NTN1: variants seen among roughly 807,000 people sequenced by gnomAD.
NTN1 encodes netrin-1.
A neutral mutation model predicts 54.2 loss-of-function variants in NTN1; 11 were observed. The observed-to-expected ratio is 0.20, with a 90% confidence interval of 0.13 to 0.34. NTN1 has a LOEUF of 0.34. NTN1 is among the 10% of genes least tolerant of loss of function. The pLI, the probability that NTN1 is intolerant of heterozygous loss-of-function variation, is 1.00. For missense variants in NTN1, 740 were observed against 893.1 expected, an observed-to-expected ratio of 0.83 and a Z score of 2.18; for synonymous variants, 371 against 382.0, an observed-to-expected ratio of 0.97 and a Z score of 0.33.
Position 9,179,933 on chromosome 17 carries a change from G to T in NTN1, c.1334G>T (p.Arg445Leu). ...NRCAKGYQQS[R>L]SPIAPCIKIP... ...TGCGCCAAAGGCTACCAGCAGAGCC[G>T]CTCTCCCATCGCCCCCTGCATAAGT... The change falls in exon 4 of 7, where the codon CGC (arginine) becomes CTC (leucine). Residue 445 changes from arginine (R) to leucine (L), a missense_variant. Arg to Leu is a moderately radical substitution (Grantham distance 102, BLOSUM62 -2). Coordinates refer to ENST00000173229, the MANE Select transcript of NTN1 (RefSeq NM_004822.3). The T allele has an allele frequency of 6.2e-7, 1 of 1,613,630 alleles. No individual in the cohort carries two copies. The highest frequency in any genetic ancestry group is 1.1e-5 in the South Asian group (1 of 90,976).
rs1415329398 is a variant in NTN1, at chr17:9,211,088, ATTC to A, written c.1412-10075_1412-10073del. Among the ~76,000 whole-genome samples the A allele has an allele frequency of 6.6e-6, 1 of 152,164 alleles. No individual in the cohort carries two copies. The highest frequency in any genetic ancestry group is 2.4e-5 in the African/African-American group (1 of 41,424). On this transcript the variant is annotated intron_variant, in intron 5 of 6. Transcript: ENST00000173229. This position sits in a 1 kb window ranked among gnomAD's most constrained non-coding sequence, Gnocchi z 4.4. ...CCACCCAACATTTCTGGCACATGCT[ATTC>A]TTCTAGAATAAAATCCAAACCCCTG...
upstream of NTN1, among the ~76,000 whole-genome samples, chr17:9,020,032 C>T (rs918653106): frequency 1.3e-5 from 2 of 152,208 alleles, no homozygotes; most frequent in African/African-American, 2.4e-5. Flanking sequence ...CTGTGGTGAG[C>T]TCCCATCCCT....
intron 2 of NTN1, among the ~76,000 whole-genome samples, chr17:9,050,854 C>T (rs1189197203): frequency 6.6e-6 from 1 of 152,056 alleles, no homozygotes; most frequent in Non-Finnish European, 1.5e-5. Context: ...CCTGCCTTAC[C>T]AGGTGCTCAG....
At chr17:9,231,577 G>A (rs1050459291) in intron 6 of NTN1, among the ~76,000 whole-genome samples, 6 of 152,260 alleles carry the variant, frequency 3.9e-5, no homozygotes, top group Non-Finnish European at 7.3e-5. Flanking sequence ...TGCCCTGGGA[G>A]CGCCCTGGAA....
At chr17:9,053,717 C>T (rs2091968329) in intron 2 of NTN1, among the ~76,000 whole-genome samples, 1 of 152,218 alleles carries the variant, frequency 6.6e-6, no homozygotes, top group Admixed American at 6.5e-5. Context: ...AGACAGCCAC[C>T]TTCGGCTTCT....
In NTN1 at chr17:9,205,555, C is replaced by T. The variant is rs559503521; in HGVS notation, c.1412-15613C>T. Among the ~76,000 whole-genome samples the T allele has an allele frequency of 3.9e-5, 6 of 152,324 alleles. No individual in the cohort carries two copies. The East Asian group carries it at 7.7e-4, about 20-fold the overall frequency. ...GTAGGATCATTGGAGCCCACGGGTT[C>T]GAGGCTGCAGTGAGCTGTGATTGCG... On this transcript the variant is annotated intron_variant, in intron 5 of 6. Coordinates refer to ENST00000173229, the MANE Select transcript of NTN1 (RefSeq NM_004822.3).
At chr17:9,189,199 C>G (rs1377850659) in intron 5 of NTN1, among the ~76,000 whole-genome samples, 1 of 152,188 alleles carries the variant, frequency 6.6e-6, no homozygotes, top group East Asian at 1.9e-4. Flanking sequence ...GTACTGTCAT[C>G]TCCCCCCGAC....
At chr17:9,008,557 A>G in the NTN1 span, among the ~76,000 whole-genome samples, 1 of 152,138 alleles carries the variant, frequency 6.6e-6, no homozygotes, top group Admixed American at 6.6e-5. Context: ...TCCTGACCTC[A>G]AATGATTGGC....
At chr17:9,216,355 T>C (rs531912942) in intron 5 of NTN1, among the ~76,000 whole-genome samples, 1 of 152,370 alleles carries the variant, frequency 6.6e-6, no homozygotes, top group South Asian at 2.1e-4. Flanking sequence ...TAATCTCCCT[T>C]ACTGCCTTTC....
chr17:9,030,073 A>G (rs546031377), intron 2 of NTN1, among the ~76,000 whole-genome samples: 1 of 152,248 alleles, frequency 6.6e-6, no homozygotes, highest in East Asian at 1.9e-4. Flanking sequence ...TTCAGCCCCA[A>G]ATACATTATT....
intron 2 of NTN1, among the ~76,000 whole-genome samples, chr17:9,050,417 C>A (rs936388303): frequency 4.0e-5 from 6 of 151,882 alleles, no homozygotes; most frequent in African/African-American, 1.5e-4. Context: ...CACCTGTAAT[C>A]CCAGCACTAT....
chr17:9,090,070 T>C (rs1285195067), intron 2 of NTN1, among the ~76,000 whole-genome samples: 1 of 152,022 alleles, frequency 6.6e-6, no homozygotes, highest in Non-Finnish European at 1.5e-5. Flanking sequence ...GAGGACGGGC[T>C]GTGGGTATGT....
intron 2 of NTN1, among the ~76,000 whole-genome samples, chr17:9,095,846 C>CTGGA (rs759128087): frequency 3.3e-5 from 5 of 152,050 alleles, no homozygotes; most frequent in Non-Finnish European, 5.9e-5. Context: ...GTCACCCAGG[C>CTGGA]TGGAGTGCAA....
Position 9,219,154 on chromosome 17 carries a change from C to T in NTN1, c.1412-2014C>T, listed in dbSNP as rs1426466126. ...AAGATGTGGCCCAGAGCGGCTGTTCCTCACAGGGAAGTGCGGCCGCGGTGC... is the reference window on the plus strand; with the variant it reads ...AAGATGTGGCCCAGAGCGGCTGTTCTTCACAGGGAAGTGCGGCCGCGGTGC... On this transcript the variant is annotated intron_variant, in intron 5 of 6. Transcript: ENST00000173229. This position sits in a 1 kb window ranked among gnomAD's most constrained non-coding sequence, Gnocchi z 4.5. Among the ~76,000 whole-genome samples, 1 of 152,192 alleles carries T rather than the reference C, an allele frequency of 6.6e-6. No homozygotes were observed. Among genetic ancestry groups the T allele is most frequent in the African/African-American group, 2.4e-5 (1 of 41,442 alleles).
intron 2 of NTN1, among the ~76,000 whole-genome samples, chr17:9,126,863 G>A (rs1333217525): frequency 2.6e-5 from 4 of 152,082 alleles, no homozygotes; most frequent in Admixed American, 6.5e-5. Context: ...CTTGGCAATG[G>A]GGAACCAGGA....
At position 9,162,855 on chromosome 17, in the gene NTN1, T is replaced by A; in HGVS notation, c.1061T>A (p.Met354Lys). 6.2e-7 allele frequency: 1 copy of A among 1,613,968 alleles called. No individual in the cohort carries two copies. Among genetic ancestry groups the A allele is most frequent in the Non-Finnish European group, 8.5e-7 (1 of 1,179,896 alleles). ...NLHARRCRFNMELYKLSGRKS... is the reference protein window; with the variant it reads ...NLHARRCRFNKELYKLSGRKS... ...CATGCCCGGCGCTGCCGCTTCAACA[T>A]GGAGCTCTACAAGCTTTCGGGGCGC... is the stretch of plus-strand genomic sequence containing the variant. The change falls in exon 3 of 7, where the codon ATG (methionine) becomes AAG (lysine). Residue 354 changes from methionine (M) to lysine (K), a missense_variant. Transcript: ENST00000173229.
At position 9,235,596 on chromosome 17, in the gene NTN1, G is replaced by A. The variant is rs1021187877; in HGVS notation, c.1487-4044G>A. The stretch of plus-strand genomic sequence containing the variant: ...AAACTTATTGCTCATAGTTCTGGAG[G>A]CTGCGAAGTCCAAGATCAAGGTGCC... On this transcript the variant is annotated intron_variant, in intron 6 of 6. Transcript: ENST00000173229. Among the ~76,000 whole-genome samples, 3 of 152,306 alleles carry A rather than the reference G, an allele frequency of 2.0e-5. No homozygotes were observed. The East Asian group carries it at 5.8e-4, about 29-fold the overall frequency.
At chr17:9,183,273 G>A (rs1464500146) in intron 5 of NTN1, 3 of 611,762 alleles carry the variant, frequency 4.9e-6, no homozygotes, top group South Asian at 3.0e-5. Context: ...ACACCTTCCA[G>A]GCTGAGGGGT....
chr17:9,238,111 G>A (rs771100440), intron 6 of NTN1, among the ~76,000 whole-genome samples: 7 of 152,134 alleles, frequency 4.6e-5, no homozygotes, highest in South Asian at 4.2e-4. Flanking sequence ...GGGTGCCCTC[G>A]GAGTGCAGGA....
Sources: allele counts gnomAD v4.1 joint callset (sites outside exome capture counted in the v4.1 genomes callset), GRCh38; gene constraint gnomAD v4.1.1; non-coding constraint Gnocchi (gnomAD v3.1); transcripts MANE v1.5; gene names NCBI Gene and HGNC (gene_info 2026-07-23, HGNC 2026-07-21).